The following COLEC10 variants were observed in gnomAD, a reference collection of about 807,000 sequenced individuals.
COLEC10 encodes the protein collectin-10.
COLEC10 carries 22 observed loss-of-function variants against 28.4 expected under a neutral mutation model. That is an observed-to-expected ratio of 0.78 (90% CI 0.55 to 1.11). COLEC10 has a LOEUF of 1.11. Ranked by LOEUF, COLEC10 falls within the 50% of genes least tolerant of loss-of-function variation. The pLI is 0.00. For synonymous variants in COLEC10, 125 were observed against 116.1 expected, an observed-to-expected ratio of 1.08 and a Z score of -0.49; for missense variants, 361 against 344.1, an observed-to-expected ratio of 1.05 and a Z score of -0.39.
At chr8:119,074,471 C>T (rs957862524) in intron 1 of COLEC10, among the ~76,000 whole-genome samples, 3 of 152,074 alleles carry the variant, frequency 2.0e-5, no homozygotes, top group Non-Finnish European at 4.4e-5. Context: ...GATCATATTG[C>T]CCACCTCAAA....
intron 1 of COLEC10, among the ~76,000 whole-genome samples, chr8:119,008,362 G>T (rs1197653721): frequency 6.6e-6 from 1 of 150,920 alleles, no homozygotes; most frequent in Non-Finnish European, 1.5e-5. Context: ...TAATGATCTG[G>T]GGTAGTATTC....
chr8:118,973,176 T>G, the COLEC10 span, among the ~76,000 whole-genome samples: 2 of 152,022 alleles, frequency 1.3e-5, no homozygotes, highest in Non-Finnish European at 1.5e-5. Context: ...TTGAGCTTCC[T>G]AACTGTTCTC....
the COLEC10 span, among the ~76,000 whole-genome samples, chr8:118,974,195 G>A: frequency 3.6e-4 from 55 of 151,570 alleles, 1 homozygote; most frequent in Middle Eastern, 3.4e-3. Flanking sequence ...TTATTTTAAC[G>A]CATAAAATAT....
At chr8:118,979,259 T>A in the COLEC10 span, among the ~76,000 whole-genome samples, 1 of 152,084 alleles carries the variant, frequency 6.6e-6, no homozygotes, top group East Asian at 1.9e-4. Flanking sequence ...CTTAGAACTG[T>A]CACTTTAAAT....
rs145767599 is a variant in COLEC10 at position 119,046,926 on chromosome 8, C to A, written n.235+37373C>A. Among the ~76,000 whole-genome samples, 81 of 152,084 alleles carry A rather than the reference C, an allele frequency of 5.3e-4. No individual in the cohort carries two copies. In the Middle Eastern group the frequency reaches 0.01, roughly 19 times the overall value. On this transcript the variant is annotated intron_variant and non_coding_transcript_variant, in intron 2 of 6. Transcript: ENST00000521788. ...GTCGGTGGTCCTAATATACACTGAA[C>A]AACAGAATTTTCTATCTCACCTTTA... is the stretch of plus-strand genomic sequence containing the variant.
At chr8:119,051,327 TC>T (rs1814669556) in intron 2 of COLEC10, among the ~76,000 whole-genome samples, 1 of 152,152 alleles carries the variant, frequency 6.6e-6, no homozygotes, top group South Asian at 2.1e-4. Flanking sequence ...AATTAGAAAA[TC>T]TAAATTCAAG....
chr8:119,045,043 A>AT (rs943718132), intron 2 of COLEC10, among the ~76,000 whole-genome samples: 1 of 151,920 alleles, frequency 6.6e-6, no homozygotes. Flanking sequence ...AATTTCCACA[A>AT]TTTTTTCCTT....
intron 1 of COLEC10, chr8:119,068,225 G>C (rs1350509519): frequency 6.6e-6 from 1 of 152,140 alleles, no homozygotes; most frequent in Non-Finnish European, 1.5e-5. Context: ...AAAATTTTAA[G>C]TAGAAAAAAG....
the COLEC10 span, among the ~76,000 whole-genome samples, chr8:118,953,138 T>C: frequency 6.6e-6 from 1 of 152,274 alleles, no homozygotes; most frequent in African/African-American, 2.4e-5. Flanking sequence ...GAGTTCAAAG[T>C]GGATCCACAG....
intron 3 of COLEC10, among the ~76,000 whole-genome samples, chr8:119,098,102 T>C (rs1815756034): frequency 6.6e-6 from 1 of 152,060 alleles, no homozygotes; most frequent in Non-Finnish European, 1.5e-5. Flanking sequence ...GCTATATTTT[T>C]GAGAGCAGTG....
upstream of COLEC10, among the ~76,000 whole-genome samples, chr8:119,062,479 A>ATTTTT (rs60708114): frequency 6.8e-6 from 1 of 146,708 alleles, no homozygotes. Flanking sequence ...TGAATATTTG[A>ATTTTT]TTTTTTTTTT....
Position 119,035,599 on chromosome 8 carries a change from T to C in COLEC10, n.235+26046T>C, listed in dbSNP as rs201529319. ...GACAATTTTCTTCTTTGGTTCATCT[T>C]TGAGGATTGCCCCAACTCAGTCATT... is the stretch of plus-strand genomic sequence containing the variant. On this transcript the variant is annotated intron_variant and non_coding_transcript_variant, in intron 2 of 6. Transcript: ENST00000521788. 1.1e-4 allele frequency among the ~76,000 whole-genome samples: 16 copies of C among 152,320 alleles called. No individual in the cohort carries two copies. In the East Asian group the frequency reaches 2.9e-3, roughly 28 times the overall value.
the COLEC10 span, among the ~76,000 whole-genome samples, chr8:118,968,573 A>G: frequency 6.6e-6 from 1 of 151,592 alleles, no homozygotes; most frequent in African/African-American, 2.4e-5. Flanking sequence ...TTATATATAT[A>G]CATATATATA....
intron 3 of COLEC10, among the ~76,000 whole-genome samples, chr8:119,101,788 C>A (rs1427114917): frequency 6.6e-6 from 1 of 152,060 alleles, no homozygotes; most frequent in Non-Finnish European, 1.5e-5. Flanking sequence ...AAGCACAATA[C>A]ATGTGTTTTT....
At chr8:119,077,999 A>G (rs997758403) in intron 1 of COLEC10, among the ~76,000 whole-genome samples, 2 of 152,198 alleles carry the variant, frequency 1.3e-5, no homozygotes, top group Non-Finnish European at 2.9e-5. Context: ...AGAGCAAAAG[A>G]AAGGACGATA....
chr8:118,965,603 G>A, the COLEC10 span, among the ~76,000 whole-genome samples: 229 of 151,988 alleles, frequency 1.5e-3, no homozygotes, highest in Non-Finnish European at 1.9e-3. Context: ...TCCAGTCTCC[G>A]TGTGAGATGG....
intron 3 of COLEC10, among the ~76,000 whole-genome samples, chr8:119,101,980 A>G (rs537217290): frequency 1.1e-3 from 162 of 149,162 alleles, no homozygotes; most frequent in African/African-American, 4.1e-3. Flanking sequence ...AGGCCATGTT[A>G]TTAAAAAAAA....
intron 1 of COLEC10, among the ~76,000 whole-genome samples, chr8:119,085,616 T>C (rs1333875802): frequency 3.5e-3 from 358 of 103,124 alleles, no homozygotes; most frequent in African/African-American, 0.011. Context: ...TTTTTTTTTT[T>C]TTTTTTGTTG....
intron 2 of COLEC10, among the ~76,000 whole-genome samples, chr8:119,056,281 T>A (rs144837956): frequency 3.2e-4 from 48 of 152,198 alleles, no homozygotes; most frequent in Middle Eastern, 3.4e-3. Flanking sequence ...ATAGCCTTGA[T>A]TTACCTAATT....
Sources: allele counts gnomAD v4.1 joint callset (sites outside exome capture counted in the v4.1 genomes callset), GRCh38; gene constraint gnomAD v4.1.1; transcripts MANE v1.5; gene names NCBI Gene and HGNC (gene_info 2026-07-23, HGNC 2026-07-21).